CADPS2: variants seen among roughly 807,000 people sequenced by gnomAD.
CADPS2 encodes the protein calcium-dependent secretion activator 2.
In CADPS2, 93 loss-of-function variants were observed where a neutral mutation model predicts 172.5. The ratio of observed to expected loss-of-function variants is 0.54; its 90% CI spans 0.46 to 0.64. The LOEUF (loss-of-function observed/expected upper bound fraction) is 0.64. CADPS2 is among the 30% of genes least tolerant of loss of function. The pLI is 0.00. For missense variants in CADPS2, 1,420 were observed against 1,565.9 expected, an observed-to-expected ratio of 0.91 and a Z score of 1.57; for synonymous variants, 546 against 555.2, an observed-to-expected ratio of 0.98 and a Z score of 0.23.
At chr7:122,407,813 TAAAC>T in intron 19 of CADPS2, 117 bp from the exon 20 acceptor site, 2 of 995,122 alleles carry the variant, frequency 2.0e-6, no homozygotes, top group Non-Finnish European at 1.5e-6. Context: ...ACAGGTATGA[TAAAC>T]AAAATATAAT....
chr7:122,337,991 T>G (rs1444583115), intron 28 of CADPS2, among the ~76,000 whole-genome samples: 3 of 152,184 alleles, frequency 2.0e-5, no homozygotes. Context: ...CTACAACATG[T>G]GAGATGAATA....
intron 14 of CADPS2, among the ~76,000 whole-genome samples, chr7:122,468,648 T>C (rs2055488304): frequency 6.6e-6 from 1 of 152,180 alleles, no homozygotes; most frequent in South Asian, 2.1e-4. Context: ...CTTTTATGTA[T>C]GACAACTCTG....
intron 14 of CADPS2, among the ~76,000 whole-genome samples, chr7:122,458,586 C>T (rs2054075216): frequency 1.3e-5 from 2 of 152,136 alleles, no homozygotes; most frequent in South Asian, 4.1e-4. Context: ...TCCCCCCTTC[C>T]TTGTCTGGAT....
chr7:122,644,112 GAA>G lies in CADPS2; in HGVS notation c.787-14786_787-14785del, dbSNP rs2078026034. ...GGAAGGAATGAAGGAAGGAAGGAAG[GAA>G]GGAACAAACGAAGGAAAAGAATATA... On this transcript the variant is annotated intron_variant, in intron 3 of 29. Coordinates refer to ENST00000449022, the MANE Select transcript of CADPS2 (RefSeq NM_017954.11). Among the ~76,000 whole-genome samples the G allele has an allele frequency of 2.0e-5, 3 of 151,000 alleles. No individual in the cohort carries two copies. In the Admixed American group the frequency reaches 2.0e-4, roughly 10 times the overall value.
At chr7:122,642,623 A>T (rs2077795665) in intron 3 of CADPS2, among the ~76,000 whole-genome samples, 1 of 151,516 alleles carries the variant, frequency 6.6e-6, no homozygotes, top group African/African-American at 2.4e-5. Context: ...AAAAACTTGA[A>T]TTCATTAAAT....
intron 25 of CADPS2, chr7:122,366,705 A>G (rs2040952417): frequency 6.8e-6 from 1 of 147,184 alleles, no homozygotes; most frequent in South Asian, 2.1e-4. Context: ...ATATACGTAT[A>G]CATATATATA....
chr7:122,880,157 C>G (rs1822493778), intron 1 of CADPS2, among the ~76,000 whole-genome samples: 1 of 152,130 alleles, frequency 6.6e-6, no homozygotes, highest in African/African-American at 2.4e-5. Context: ...TTAGGAATTA[C>G]TGAGTGTCAG....
intron 1 of CADPS2, among the ~76,000 whole-genome samples, chr7:122,739,911 A>ATGT (rs2092378304): frequency 6.6e-6 from 1 of 152,142 alleles, no homozygotes; most frequent in Non-Finnish European, 1.5e-5. Flanking sequence ...TGTACTATAA[A>ATGT]ACACCTATAT....
chr7:122,832,317 A>T (rs75778484), intron 1 of CADPS2, among the ~76,000 whole-genome samples: 1 of 151,664 alleles, frequency 6.6e-6, no homozygotes, highest in Non-Finnish European at 1.5e-5. Flanking sequence ...AAAAAAAAAA[A>T]CCCACCCATG....
chr7:122,648,500 C>T (rs2078795297), intron 3 of CADPS2, among the ~76,000 whole-genome samples: 1 of 152,018 alleles, frequency 6.6e-6, no homozygotes, highest in Non-Finnish European at 1.5e-5. Flanking sequence ...TGTTGCTTCA[C>T]AAGAAGAGGA....
At chr7:122,840,857 T>G (rs1384303967) in intron 1 of CADPS2, among the ~76,000 whole-genome samples, 1 of 152,134 alleles carries the variant, frequency 6.6e-6, no homozygotes, top group East Asian at 1.9e-4. Context: ...TACAGAAAAT[T>G]TATTAACAAT....
chr7:122,378,422 C>T (rs2042603365), intron 25 of CADPS2, among the ~76,000 whole-genome samples: 1 of 152,136 alleles, frequency 6.6e-6, no homozygotes, highest in African/African-American at 2.4e-5. Context: ...AACATGTATG[C>T]TAATTTGCTA....
At chr7:122,879,859 C>T (rs967688323) in intron 1 of CADPS2, among the ~76,000 whole-genome samples, 2 of 152,178 alleles carry the variant, frequency 1.3e-5, no homozygotes, top group African/African-American at 4.8e-5. Flanking sequence ...AAACCAACAA[C>T]GTACCTTTTT....
chr7:122,808,328 G>C (rs1174399110), intron 1 of CADPS2, among the ~76,000 whole-genome samples: 4 of 152,158 alleles, frequency 2.6e-5, no homozygotes, highest in African/African-American at 9.7e-5. Flanking sequence ...TTGTGATTTA[G>C]AATTAAGAAA....
At chr7:122,767,917 T>A (rs1199174472) in intron 1 of CADPS2, among the ~76,000 whole-genome samples, 1 of 152,150 alleles carries the variant, frequency 6.6e-6, no homozygotes, top group Non-Finnish European at 1.5e-5. Flanking sequence ...CTGCCTCTTG[T>A]TTGTTATTTC....
At chr7:122,598,947 T>C (rs1009968776) in intron 6 of CADPS2, among the ~76,000 whole-genome samples, 1 of 151,924 alleles carries the variant, frequency 6.6e-6, no homozygotes, top group Non-Finnish European at 1.5e-5. Context: ...ATATAGGGTA[T>C]TACTGAAGCC....
At chr7:122,376,025 C>T (rs184188009) in intron 25 of CADPS2, among the ~76,000 whole-genome samples, 1 of 152,166 alleles carries the variant, frequency 6.6e-6, no homozygotes, top group East Asian at 1.9e-4. Context: ...AAATCAAAAT[C>T]ACAGTGAGAT....
intron 8 of CADPS2, among the ~76,000 whole-genome samples, chr7:122,518,769 G>GT (rs1010421886): frequency 4.8e-4 from 73 of 152,018 alleles, no homozygotes; most frequent in African/African-American, 1.5e-3. Flanking sequence ...ATTTAACTGG[G>GT]TTTTATGTGA....
intron 2 of CADPS2, among the ~76,000 whole-genome samples, chr7:122,713,011 A>G (rs950344884): frequency 6.6e-6 from 1 of 152,026 alleles, no homozygotes; most frequent in African/African-American, 2.4e-5. Context: ...ACACACAAAA[A>G]TAAATCCTGT....
Sources: allele counts gnomAD v4.1 joint callset (sites outside exome capture counted in the v4.1 genomes callset), GRCh38; gene constraint gnomAD v4.1.1; transcripts MANE v1.5; gene names NCBI Gene and HGNC (gene_info 2026-07-23, HGNC 2026-07-21).